The following MACROH2A1 variants were observed in gnomAD, a reference collection of about 807,000 sequenced individuals.
The protein encoded by MACROH2A1 is macroH2A.1 histone.
MACROH2A1 carries 2 observed loss-of-function variants against 31.6 expected under a neutral mutation model. The ratio of observed to expected loss-of-function variants is 0.06; its 90% CI spans 0.03 to 0.20. The LOEUF is 0.20. Among genes scored for constraint, MACROH2A1 ranks in the 10% least tolerant of loss-of-function variants. The pLI, the probability that MACROH2A1 is intolerant of heterozygous loss-of-function variation, is 1.00. For synonymous variants in MACROH2A1, 169 were observed against 189.6 expected (o/e 0.89, Z 0.89); for missense variants, 230 against 474.0 (o/e 0.49, Z 4.78).
rs1255827274 is a variant in MACROH2A1, at chr5:135,390,218, T to TC, written c.-33-1093dup. 2.0e-5 allele frequency among the ~76,000 whole-genome samples: 3 copies of TC among 152,286 alleles called. No homozygotes were observed. In the East Asian group the frequency reaches 5.8e-4, roughly 29 times the overall value. On this transcript the variant is annotated intron_variant, in intron 1 of 8. Coordinates refer to ENST00000511689, the MANE Select transcript of MACROH2A1 (RefSeq NM_138610.3). ...ACTTGCCTCTGCCTTCTGCCAGCCC[T>TC]CCCAAATGTTGAGATCTGGCTGTTT...
chr5:135,341,762 C>T (rs1044963700), intron 8 of MACROH2A1, among the ~76,000 whole-genome samples: 3 of 152,230 alleles, frequency 2.0e-5, no homozygotes, highest in Non-Finnish European at 4.4e-5. Context: ...TCTCTATCCT[C>T]TAGAAAGTTT....
intron 1 of MACROH2A1, among the ~76,000 whole-genome samples, chr5:135,391,298 G>A (rs140873043): frequency 2.6e-5 from 4 of 152,268 alleles, no homozygotes; most frequent in African/African-American, 9.6e-5. Flanking sequence ...CTTTCAGCAG[G>A]GGAGGCCTGT....
chr5:135,388,854 C>T (rs1581358027), intron 2 of MACROH2A1, 68 bp downstream of exon 2: 1 of 1,326,882 alleles, frequency 7.5e-7, no homozygotes, highest in East Asian at 2.4e-5. Context: ...CAAAAGTGGT[C>T]TTTGGAGAAC....
intron 4 of MACROH2A1, among the ~76,000 whole-genome samples, chr5:135,365,600 A>AT (rs1227836403): frequency 2.6e-5 from 4 of 152,234 alleles, no homozygotes; most frequent in Admixed American, 6.5e-5. Context: ...TAACTAGTGC[A>AT]TACAGACTAG....
chr5:135,358,368 T>G, intron 5 of MACROH2A1: 1 of 985,444 alleles, frequency 1.0e-6, no homozygotes, highest in Non-Finnish European at 1.2e-6. Context: ...TTTATTCTGC[T>G]AAACAGTGTC....
intron 2 of MACROH2A1, among the ~76,000 whole-genome samples, chr5:135,374,040 G>A (rs1185064532): frequency 6.6e-6 from 1 of 152,118 alleles, no homozygotes; most frequent in African/African-American, 2.4e-5. Context: ...CTCCTGTGCT[G>A]CAGCAGCAGA....
intron 2 of MACROH2A1, among the ~76,000 whole-genome samples, chr5:135,386,176 G>A (rs377038939): frequency 6.6e-6 from 1 of 152,244 alleles, no homozygotes; most frequent in East Asian, 1.9e-4. Context: ...AGGACAGTCA[G>A]TGTGGGTGTG....
chr5:135,393,405 T>C (rs1252516836), intron 1 of MACROH2A1, among the ~76,000 whole-genome samples: 2 of 152,246 alleles, frequency 1.3e-5, no homozygotes, highest in Admixed American at 1.3e-4. Flanking sequence ...AGCCAGTCTC[T>C]GTCACATGAT....
At chr5:135,381,449 T>C (rs1411291329) in intron 2 of MACROH2A1, among the ~76,000 whole-genome samples, 2 of 151,930 alleles carry the variant, frequency 1.3e-5, no homozygotes, top group Admixed American at 6.5e-5. Flanking sequence ...AAAAAGATGA[T>C]AAAGAATGGC....
At chr5:135,383,439 T>G (rs1204793693) in intron 2 of MACROH2A1, among the ~76,000 whole-genome samples, 2 of 152,022 alleles carry the variant, frequency 1.3e-5, no homozygotes, top group Non-Finnish European at 2.9e-5. Flanking sequence ...TATGAATGAG[T>G]TTTAGTTTCT....
At chr5:135,351,271 G>A (rs1581179837) in intron 6 of MACROH2A1, 2 of 158,412 alleles carry the variant, frequency 1.3e-5, no homozygotes, top group African/African-American at 2.4e-5. Context: ...CATGGCATCT[G>A]TTTAAAAAAA....
chr5:135,358,217 A>G lies in MACROH2A1; in HGVS notation c.588+2280T>C, dbSNP rs1227011265. ...TAAAAAGCCAGAAAGTAATGCTTCA[A>G]AATAATGCTCTAATGTATCAATGCT... On this transcript the variant is annotated intron_variant, in intron 5 of 8. Coordinates refer to ENST00000511689, the MANE Select transcript of MACROH2A1 (RefSeq NM_138610.3). 4.1e-6 allele frequency: 4 copies of G among 985,292 alleles called. No homozygotes were observed. The South Asian group carries it at 1.9e-4, about 46-fold the overall frequency. 61.0% of individuals were successfully genotyped at this position (985,292 alleles called of 1,614,324 possible). A position where few individuals can be genotyped will look rare whatever the true frequency, so the allele number is the denominator to read the frequency against.
rs1444807872 is a variant in MACROH2A1, at chr5:135,360,118, C to T, written c.588+379G>A. ...GTGCCCCCCAGGACAAGCAGGCTGC[C>T]GGCTAGGTTGTTCACCTTCCACCAC... On this transcript the variant is annotated intron_variant, in intron 5 of 8. Coordinates refer to ENST00000511689, the MANE Select transcript of MACROH2A1 (RefSeq NM_138610.3). 6 of 279,198 alleles carry T rather than the reference C, an allele frequency of 2.1e-5. No individual in the cohort carries two copies. In the East Asian group the frequency reaches 2.9e-4, roughly 13 times the overall value. 17.3% of individuals were successfully genotyped at this position (279,198 alleles called of 1,614,324 possible). A position where few individuals can be genotyped will look rare whatever the true frequency, so the allele number is the denominator to read the frequency against.
At chr5:135,359,172 A>G (rs941080147) in intron 5 of MACROH2A1, 8 of 985,512 alleles carry the variant, frequency 8.1e-6, no homozygotes, top group Non-Finnish European at 8.4e-6. Flanking sequence ...GAACATAGGC[A>G]GGGGAGAGGC....
intron 2 of MACROH2A1, among the ~76,000 whole-genome samples, chr5:135,375,756 A>G (rs1233944424): frequency 3.3e-5 from 5 of 152,206 alleles, no homozygotes; most frequent in African/African-American, 1.2e-4. Flanking sequence ...AATCCCAAGG[A>G]GAAAACATGT....
chr5:135,365,464 C>T (rs989106144), intron 4 of MACROH2A1, among the ~76,000 whole-genome samples: 11 of 152,108 alleles, frequency 7.2e-5, no homozygotes, highest in African/African-American at 2.4e-4. Flanking sequence ...TCTGCCATCA[C>T]GCCACTTTAT....
At chr5:135,357,915 G>A (rs893577809) in intron 5 of MACROH2A1, 1 of 984,660 alleles carries the variant, frequency 1.0e-6, no homozygotes, top group African/African-American at 1.7e-5. Context: ...TTACAGGGCT[G>A]TAGCATGCAC....
chr5:135,383,204 G>A (rs909599841), intron 2 of MACROH2A1, among the ~76,000 whole-genome samples: 1 of 152,240 alleles, frequency 6.6e-6, no homozygotes, highest in African/African-American at 2.4e-5. Context: ...CTATTCCCCA[G>A]GGAGACTGAA....
chr5:135,368,589 G>A (rs1053766014), intron 4 of MACROH2A1, among the ~76,000 whole-genome samples: 11 of 152,246 alleles, frequency 7.2e-5, no homozygotes, highest in Non-Finnish European at 1.6e-4. Context: ...CATTTTCTTA[G>A]AGACCAAGAT....
Sources: gnomAD v4.1 joint callset for allele counts (sites outside exome capture counted in the v4.1 genomes callset) on GRCh38, gnomAD v4.1.1 for gene constraint, MANE v1.5 for transcripts, NCBI Gene and HGNC (gene_info 2026-07-23, HGNC 2026-07-21) for gene names.